Variants in GPR39 observed in about 807,000 individuals in gnomAD.
GPR39 encodes G protein-coupled receptor 39, also known as zinc sensing receptor.
A neutral mutation model predicts 18.4 loss-of-function variants in GPR39; 23 were observed. That is an observed-to-expected ratio of 1.25 (90% CI 0.90 to 1.77). GPR39 has a LOEUF of 1.77. GPR39 is among the 40% of genes most tolerant of loss of function. The pLI, the probability that GPR39 is intolerant of heterozygous loss-of-function variation, is 0.00. For synonymous variants in GPR39, 280 were observed against 257.9 expected, an observed-to-expected ratio of 1.09 and a Z score of -0.82; for missense variants, 647 against 602.4, an observed-to-expected ratio of 1.07 and a Z score of -0.78.
Position 132,446,490 on chromosome 2 carries a change from G to T in GPR39, c.856+28592G>T, listed in dbSNP as rs1050276930. ...TGTTGTGCACCAGGCATTGTGCTAG[G>T]TGCTGGACATGTAGGAGAGAACAAA... On this transcript the variant is annotated intron_variant, in intron 1 of 1. Coordinates refer to ENST00000329321, the MANE Select transcript of GPR39 (RefSeq NM_001508.3). 3.3e-5 allele frequency among the ~76,000 whole-genome samples: 5 copies of T among 152,240 alleles called. No homozygotes were observed. The East Asian group carries it at 7.7e-4, about 23-fold the overall frequency.
intron 1 of GPR39, among the ~76,000 whole-genome samples, chr2:132,470,721 A>G (rs1681014491): frequency 6.8e-6 from 1 of 148,082 alleles, no homozygotes; most frequent in Admixed American, 6.8e-5. Flanking sequence ...GGGGCTGTCT[A>G]TCCCAGCCTG....
At chr2:132,609,686 C>T (rs1224181258) in intron 1 of GPR39, among the ~76,000 whole-genome samples, 1 of 152,088 alleles carries the variant, frequency 6.6e-6, no homozygotes, top group Admixed American at 6.6e-5. Context: ...CACTGCAGTC[C>T]CCTTCTGGCT....
intron 1 of GPR39, among the ~76,000 whole-genome samples, chr2:132,608,066 C>T (rs1328951069): frequency 6.6e-6 from 1 of 152,064 alleles, no homozygotes; most frequent in Non-Finnish European, 1.5e-5. Flanking sequence ...CCATTTTTCT[C>T]CTACTGGAAG....
At chr2:132,480,755 G>T (rs576422641) in intron 1 of GPR39, among the ~76,000 whole-genome samples, 6 of 152,290 alleles carry the variant, frequency 3.9e-5, no homozygotes, top group Middle Eastern at 3.4e-3. Context: ...TCTGACTGCA[G>T]GTTGTGGCCA....
intron 1 of GPR39, among the ~76,000 whole-genome samples, chr2:132,586,458 G>C (rs944234424): frequency 6.6e-6 from 1 of 152,156 alleles, no homozygotes; most frequent in African/African-American, 2.4e-5. Context: ...GGAGGAATTT[G>C]CTGTACCATC....
intron 1 of GPR39, among the ~76,000 whole-genome samples, chr2:132,501,223 T>C (rs973574963): frequency 6.6e-6 from 1 of 152,058 alleles, no homozygotes; most frequent in Non-Finnish European, 1.5e-5. Context: ...TGTAGGCATT[T>C]AATGCTATGA....
At chr2:132,451,652 T>G (rs1680634872) in intron 1 of GPR39, among the ~76,000 whole-genome samples, 1 of 152,194 alleles carries the variant, frequency 6.6e-6, no homozygotes, top group African/African-American at 2.4e-5. Context: ...TCCTCTACTC[T>G]ATTTCACTTG....
intron 1 of GPR39, among the ~76,000 whole-genome samples, chr2:132,567,286 C>T (rs1468059232): frequency 6.6e-6 from 1 of 152,082 alleles, no homozygotes; most frequent in African/African-American, 2.4e-5. Flanking sequence ...TGCACCACTG[C>T]ACTCCAGCCT....
chr2:132,547,831 A>C (rs1395508393), intron 1 of GPR39, among the ~76,000 whole-genome samples: 2 of 152,250 alleles, frequency 1.3e-5, no homozygotes, highest in African/African-American at 4.8e-5. Flanking sequence ...AATTAGGCAC[A>C]GAAAAGACCT....
intron 1 of GPR39, among the ~76,000 whole-genome samples, chr2:132,631,473 G>A (rs994028340): frequency 6.6e-6 from 1 of 152,162 alleles, no homozygotes; most frequent in Non-Finnish European, 1.5e-5. Flanking sequence ...CCCTATCTTA[G>A]AAGCCTGATA....
At chr2:132,457,026 G>A (rs1680741452) in intron 1 of GPR39, among the ~76,000 whole-genome samples, 1 of 152,204 alleles carries the variant, frequency 6.6e-6, no homozygotes, top group African/African-American at 2.4e-5. Flanking sequence ...ATGCTGGCCT[G>A]CCTTGCTAGG....
chr2:132,623,576 C>T (rs746764623), intron 1 of GPR39, among the ~76,000 whole-genome samples: 4 of 152,200 alleles, frequency 2.6e-5, no homozygotes, highest in Non-Finnish European at 5.9e-5. Flanking sequence ...GCAAAAATGA[C>T]TCAGCATTCA....
At chr2:132,594,578 C>A (rs1462668124) in intron 1 of GPR39, among the ~76,000 whole-genome samples, 1 of 151,798 alleles carries the variant, frequency 6.6e-6, no homozygotes, top group African/African-American at 2.4e-5. Flanking sequence ...AAATTTAAAT[C>A]CCTTCCCTGC....
chr2:132,534,698 A>G (rs1573652276), intron 1 of GPR39, among the ~76,000 whole-genome samples: 4 of 152,186 alleles, frequency 2.6e-5, no homozygotes, highest in African/African-American at 9.6e-5. Context: ...AGGGACATGG[A>G]TGAAGCTGGA....
intron 1 of GPR39, among the ~76,000 whole-genome samples, chr2:132,591,830 T>C (rs1196886994): frequency 2.0e-5 from 3 of 152,140 alleles, no homozygotes; most frequent in African/African-American, 7.2e-5. Flanking sequence ...AAAAAAACCA[T>C]GTACAAGCTT....
intron 1 of GPR39, among the ~76,000 whole-genome samples, chr2:132,519,395 T>C (rs1447159227): frequency 1.3e-5 from 2 of 152,218 alleles, no homozygotes; most frequent in Admixed American, 6.5e-5. Flanking sequence ...TATTGTCAAA[T>C]ACATGTTTGG....
chr2:132,571,836 T>A (rs980775208), intron 1 of GPR39, among the ~76,000 whole-genome samples: 1 of 152,170 alleles, frequency 6.6e-6, no homozygotes, highest in African/African-American at 2.4e-5. Flanking sequence ...AGTGCTAAAT[T>A]GTGGCACAGA....
intron 1 of GPR39, among the ~76,000 whole-genome samples, chr2:132,590,012 T>C (rs983704348): frequency 6.6e-6 from 1 of 152,224 alleles, no homozygotes; most frequent in Admixed American, 6.5e-5. Context: ...AACAAAAACA[T>C]GCCTTTGCAG....
chr2:132,582,175 T>C (rs1327076214), intron 1 of GPR39, among the ~76,000 whole-genome samples: 1 of 152,100 alleles, frequency 6.6e-6, no homozygotes, highest in East Asian at 1.9e-4. Context: ...AGGTGATCCG[T>C]GAGAAGGAGG....
Sources: gnomAD v4.1 joint callset for allele counts (sites outside exome capture counted in the v4.1 genomes callset) on GRCh38, gnomAD v4.1.1 for gene constraint, MANE v1.5 for transcripts, NCBI Gene and HGNC (gene_info 2026-07-23, HGNC 2026-07-21) for gene names.